The following ANO3 variants were observed in gnomAD, a reference collection of about 807,000 sequenced individuals.
The protein encoded by ANO3 is anoctamin-3.
In ANO3, 99 loss-of-function variants were observed where a neutral mutation model predicts 144.8. That is an observed-to-expected ratio of 0.68 (90% CI 0.58 to 0.81). ANO3 has a LOEUF of 0.81. Ranked by LOEUF, ANO3 falls within the 30% of genes least tolerant of loss-of-function variation. ANO3 has a pLI of 0.00. For missense variants in ANO3, 905 were observed against 1,202.2 expected, an observed-to-expected ratio of 0.75 and a Z score of 3.66; for synonymous variants, 414 against 392.6, an observed-to-expected ratio of 1.05 and a Z score of -0.64.
chr11:26,505,064 G>GACA (rs1441797899), intron 4 of ANO3, among the ~76,000 whole-genome samples: 2 of 141,130 alleles, frequency 1.4e-5, no homozygotes, highest in East Asian at 4.2e-4. Flanking sequence ...GAAGCAAAGA[G>GACA]ACAAGCCTGG....
At position 26,660,373 on chromosome 11, in the gene ANO3, G is replaced by A; in HGVS notation, c.2875G>A (p.Glu959Lys). The change falls in exon 27 of 27, where the codon GAG becomes AAG. Residue 959 changes from glutamate to lysine, a missense_variant. Physicochemically the swap from Glu to Lys is moderately conservative, Grantham distance 56. Around this residue, in one of 4 missense-constraint regions of ANO3, gnomAD observed 597 missense variants for 865.1 expected, o/e 0.69. Coordinates refer to ENST00000256737, the MANE Select transcript of ANO3 (RefSeq NM_031418.4). ...GTACTTAGTTCAAGAAATGATGTAT[G>A]AGGCTGAACTGGAACATTTGCAACA... ...EKYLVQEMMY[E>K]AELEHLQQQR... 6.2e-7 allele frequency: 1 copy of A among 1,613,314 alleles called. No individual in the cohort carries two copies. The highest frequency in any genetic ancestry group is 8.5e-7 in the Non-Finnish European group (1 of 1,179,572).
intron 14 of ANO3, among the ~76,000 whole-genome samples, chr11:26,562,062 T>A (rs1850315550): frequency 6.6e-6 from 1 of 151,898 alleles, no homozygotes; most frequent in Admixed American, 6.6e-5. Context: ...TGAGTTATTC[T>A]TTTATGCCTC....
chr11:26,596,675 G>T (rs941136526), intron 14 of ANO3, among the ~76,000 whole-genome samples: 1 of 152,294 alleles, frequency 6.6e-6, no homozygotes, highest in African/African-American at 2.4e-5. Flanking sequence ...TACCTAGGAG[G>T]CAGGGATCAG....
intron 18 of ANO3, among the ~76,000 whole-genome samples, chr11:26,626,528 C>G (rs539189006): frequency 3.3e-5 from 5 of 152,174 alleles, no homozygotes; most frequent in Non-Finnish European, 7.3e-5. Flanking sequence ...CTGGGAAGAG[C>G]AAGACCTTGG....
chr11:26,364,127 T>C (rs1856000635), intron 1 of ANO3, among the ~76,000 whole-genome samples: 1 of 152,214 alleles, frequency 6.6e-6, no homozygotes, highest in South Asian at 2.1e-4. Flanking sequence ...TCATAGTAGA[T>C]GCCACTGACT....
chr11:26,397,938 C>T (rs1857058162), intron 1 of ANO3, among the ~76,000 whole-genome samples: 1 of 150,968 alleles, frequency 6.6e-6, no homozygotes, highest in African/African-American at 2.4e-5. Context: ...GTTATTCATT[C>T]CTTGGATTTA....
chr11:26,330,959 T>C (rs889665381), upstream of ANO3, among the ~76,000 whole-genome samples: 1 of 152,238 alleles, frequency 6.6e-6, no homozygotes. Flanking sequence ...TCACGATGTG[T>C]CTGTTCAATA....
At chr11:26,283,086 T>G (rs1177389454) in intron 1 of ANO3, among the ~76,000 whole-genome samples, 1 of 151,750 alleles carries the variant, frequency 6.6e-6, no homozygotes, top group African/African-American at 2.4e-5. Context: ...TTTTACATTA[T>G]AATTTTTAAA....
intron 1 of ANO3, among the ~76,000 whole-genome samples, chr11:26,403,716 A>T (rs904093825): frequency 6.6e-6 from 1 of 151,824 alleles, no homozygotes; most frequent in African/African-American, 2.4e-5. Context: ...AAGGTCTACA[A>T]GCTCCTACAC....
intron 26 of ANO3, among the ~76,000 whole-genome samples, chr11:26,659,954 GTAA>G (rs1427638144): frequency 6.6e-6 from 1 of 152,000 alleles, no homozygotes; most frequent in Non-Finnish European, 1.5e-5. Flanking sequence ...AATTCATGTC[GTAA>G]TAATATTTCA....
chr11:26,382,334 A>C (rs1856609076), intron 1 of ANO3, among the ~76,000 whole-genome samples: 1 of 152,186 alleles, frequency 6.6e-6, no homozygotes, highest in African/African-American at 2.4e-5. Context: ...TAGCTTCAGA[A>C]TTGGTGGCTA....
intron 1 of ANO3, among the ~76,000 whole-genome samples, chr11:26,232,842 G>A (rs1852431252): frequency 6.6e-6 from 1 of 152,160 alleles, no homozygotes; most frequent in Admixed American, 6.5e-5. Context: ...AGAGTGAACA[G>A]ACAACCTACA....
intron 6 of ANO3, among the ~76,000 whole-genome samples, chr11:26,524,077 A>C (rs549905910): frequency 1.0e-4 from 16 of 152,382 alleles, no homozygotes; most frequent in African/African-American, 3.8e-4. Flanking sequence ...GCAACTGTGA[A>C]TTAAACAAAG....
chr11:26,338,289 A>G (rs960133540), intron 1 of ANO3, among the ~76,000 whole-genome samples: 29 of 152,142 alleles, frequency 1.9e-4, no homozygotes, highest in African/African-American at 6.3e-4. Flanking sequence ...AAATGCACCA[A>G]TTAGCACTCT....
At chr11:26,414,949 G>A (rs891871125) in intron 1 of ANO3, among the ~76,000 whole-genome samples, 8 of 151,594 alleles carry the variant, frequency 5.3e-5, no homozygotes, top group South Asian at 2.1e-4. Context: ...GACTTCTTTC[G>A]TCCTGAGCCA....
chr11:26,524,285 A>T (rs1337218189), intron 6 of ANO3, among the ~76,000 whole-genome samples: 1 of 152,232 alleles, frequency 6.6e-6, no homozygotes, highest in Non-Finnish European at 1.5e-5. Context: ...TTTCGGATAG[A>T]TATAACAAGT....
intron 1 of ANO3, among the ~76,000 whole-genome samples, chr11:26,371,707 G>A (rs1311137492): frequency 6.6e-6 from 1 of 152,220 alleles, no homozygotes; most frequent in Admixed American, 6.5e-5. Context: ...AGTCAAAGGA[G>A]ACTATTTTGG....
intron 10 of ANO3, among the ~76,000 whole-genome samples, chr11:26,537,680 T>C (rs780590976): frequency 2.6e-5 from 4 of 152,164 alleles, no homozygotes; most frequent in Non-Finnish European, 5.9e-5. Context: ...ATCCCAGCCT[T>C]AGCGAGAACA....
At chr11:26,599,076 GTGACGTTGAGAA>G in intron 16 of ANO3, 78 bp downstream of exon 16, 1 of 1,452,980 alleles carries the variant, frequency 6.9e-7, no homozygotes, top group South Asian at 1.2e-5. Context: ...AACTCATTTT[GTGACGTTGAGAA>G]TGTCAGAAAC....
Sources: allele counts gnomAD v4.1 joint callset (sites outside exome capture counted in the v4.1 genomes callset), GRCh38; gene constraint gnomAD v4.1.1; regional missense constraint gnomAD v4.1.1; transcripts MANE v1.5; gene names NCBI Gene and HGNC (gene_info 2026-07-23, HGNC 2026-07-21).